Variants in SLC14A2 observed in about 807,000 individuals in gnomAD.
The protein encoded by SLC14A2 is solute carrier family 14 member 2.
SLC14A2 carries 91 observed loss-of-function variants against 104.6 expected under a neutral mutation model. The observed-to-expected ratio is 0.87, with a 90% confidence interval of 0.73 to 1.04. The LOEUF is 1.04. Among genes scored for constraint, SLC14A2 ranks in the 50% least tolerant of loss-of-function variants. The pLI, the probability that SLC14A2 is intolerant of heterozygous loss-of-function variation, is 0.00. For missense variants in SLC14A2, 1,189 were observed against 1,156.0 expected, an observed-to-expected ratio of 1.03 and a Z score of -0.41; for synonymous variants, 476 against 466.4, an observed-to-expected ratio of 1.02 and a Z score of -0.27.
At chr18:45,392,785 G>A (rs1380626877) in intron 1 of SLC14A2, among the ~76,000 whole-genome samples, 1 of 152,192 alleles carries the variant, frequency 6.6e-6, no homozygotes. Flanking sequence ...GTCTAATAAT[G>A]TGAATTAATC....
At chr18:45,536,635 A>T (rs141024890) in intron 2 of SLC14A2, among the ~76,000 whole-genome samples, 1 of 152,274 alleles carries the variant, frequency 6.6e-6, no homozygotes, top group East Asian at 1.9e-4. Flanking sequence ...CGTCCACAAC[A>T]ATCCATTGCC....
intron 1 of SLC14A2, among the ~76,000 whole-genome samples, chr18:45,417,530 G>T (rs901277396): frequency 2.6e-5 from 4 of 152,154 alleles, no homozygotes; most frequent in African/African-American, 9.7e-5. Context: ...AGAGGGAAAA[G>T]CTCCTTATAA....
intron 1 of SLC14A2, among the ~76,000 whole-genome samples, chr18:45,366,028 G>A (rs1280934419): frequency 1.3e-5 from 2 of 150,982 alleles, no homozygotes; most frequent in African/African-American, 2.4e-5. Flanking sequence ...AATAAACTTA[G>A]TTTTGTAATC....
At chr18:45,203,629 G>C in the SLC14A2 span, among the ~76,000 whole-genome samples, 1 of 152,108 alleles carries the variant, frequency 6.6e-6, no homozygotes, top group Non-Finnish European at 1.5e-5. Flanking sequence ...TTTTGAAGAT[G>C]GGATCCTACT....
chr18:45,194,063 C>T, the SLC14A2 span, among the ~76,000 whole-genome samples: 1 of 152,180 alleles, frequency 6.6e-6, no homozygotes. Flanking sequence ...TTGTATTCTG[C>T]AAGCTTGATC....
chr18:45,641,653 T>C (rs1244269355), intron 8 of SLC14A2, among the ~76,000 whole-genome samples: 1 of 152,206 alleles, frequency 6.6e-6, no homozygotes, highest in Non-Finnish European at 1.5e-5. Flanking sequence ...ATTCAACAAC[T>C]GTTTATACAA....
intron 1 of SLC14A2, among the ~76,000 whole-genome samples, chr18:45,356,470 C>G (rs1457291604): frequency 6.6e-6 from 1 of 152,130 alleles, no homozygotes; most frequent in East Asian, 1.9e-4. Context: ...CTTACAGATG[C>G]CATGGAAGAA....
intron 1 of SLC14A2, among the ~76,000 whole-genome samples, chr18:45,452,959 G>A (rs546462243): frequency 6.6e-6 from 1 of 152,302 alleles, no homozygotes; most frequent in South Asian, 2.1e-4. Flanking sequence ...CAATTGCTTA[G>A]ACAGCAGCCT....
intron 1 of SLC14A2, among the ~76,000 whole-genome samples, chr18:45,457,992 A>T (rs150334247): frequency 6.6e-6 from 1 of 152,282 alleles, no homozygotes; most frequent in East Asian, 1.9e-4. Flanking sequence ...AGACACACAC[A>T]TGTGAGCCTT....
chr18:45,500,752 A>C (rs1568244578), intron 2 of SLC14A2, among the ~76,000 whole-genome samples: 1 of 152,118 alleles, frequency 6.6e-6, no homozygotes, highest in Non-Finnish European at 1.5e-5. Context: ...CAGAATATAA[A>C]GGTCAGGGGC....
At chr18:45,437,967 G>A (rs1451195332) in intron 1 of SLC14A2, among the ~76,000 whole-genome samples, 1 of 152,078 alleles carries the variant, frequency 6.6e-6, no homozygotes, top group Non-Finnish European at 1.5e-5. Context: ...TTACCCCCTT[G>A]ACTTCCTATT....
intron 1 of SLC14A2, among the ~76,000 whole-genome samples, chr18:45,270,478 T>C (rs1437872309): frequency 1.3e-5 from 2 of 152,098 alleles, no homozygotes; most frequent in Non-Finnish European, 2.9e-5. Flanking sequence ...GCCATAAAAC[T>C]ATAAATCATT....
chr18:45,261,588 G>A (rs2084538539), intron 1 of SLC14A2, among the ~76,000 whole-genome samples: 1 of 150,944 alleles, frequency 6.6e-6, no homozygotes, highest in Non-Finnish European at 1.5e-5. Flanking sequence ...TCCCCAGAGT[G>A]TGATGTTCCC....
At chr18:45,409,635 T>C (rs184986042) in intron 1 of SLC14A2, among the ~76,000 whole-genome samples, 1 of 152,238 alleles carries the variant, frequency 6.6e-6, no homozygotes, top group East Asian at 1.9e-4. Flanking sequence ...GGAGCTTTCC[T>C]CCTACCCACC....
chr18:45,305,542 T>C (rs2085011105), intron 1 of SLC14A2, among the ~76,000 whole-genome samples: 1 of 152,192 alleles, frequency 6.6e-6, no homozygotes, highest in Non-Finnish European at 1.5e-5. Flanking sequence ...TCTCCTGTTT[T>C]CTTCTCCTCT....
intron 2 of SLC14A2, among the ~76,000 whole-genome samples, chr18:45,526,170 G>C (rs963163807): frequency 1.6e-4 from 24 of 152,156 alleles, no homozygotes; most frequent in African/African-American, 5.3e-4. Context: ...TTAGTGCAGC[G>C]TATCTTAGCT....
At chr18:45,178,820 A>G in the SLC14A2 span, among the ~76,000 whole-genome samples, 1 of 152,210 alleles carries the variant, frequency 6.6e-6, no homozygotes, top group Non-Finnish European at 1.5e-5. Flanking sequence ...TCCTTGATGC[A>G]TACCCTAGCT....
At position 45,250,751 on chromosome 18, in the gene SLC14A2, C is replaced by CTGACTTTTTTTTTTTTTTTTTT. The variant is rs1165070845; in HGVS notation, c.-125+37561_-125+37562insGACTTTTTTTTTTTTTTTTTTT. Among the ~76,000 whole-genome samples, 112 of 113,882 alleles carry CTGACTTTTTTTTTTTTTTTTTT rather than the reference C, an allele frequency of 9.8e-4. 7 individuals are homozygous for CTGACTTTTTTTTTTTTTTTTTT. Among genetic ancestry groups the CTGACTTTTTTTTTTTTTTTTTT allele is most frequent in the Non-Finnish European group, 1.2e-3 (68 of 57,596 alleles). The allele number at this position is 113,882 out of a possible 152,430, so 74.7% of individuals were successfully genotyped here. A position where few individuals can be genotyped will look rare whatever the true frequency, so the allele number is the denominator to read the frequency against. On this transcript the variant is annotated intron_variant, in intron 1 of 20. Transcript: ENST00000586448. Reference sequence around the variant, plus strand: ...AACTGAATCCTCTGGCTAGTGGCTTCTTCCTTTTTTTTTTTTTTTTTTTTT... The same window carrying CTGACTTTTTTTTTTTTTTTTTT: ...AACTGAATCCTCTGGCTAGTGGCTTCTGACTTTTTTTTTTTTTTTTTTTTCCTTTTTTTTTTTTTTTTTTTTT...
intron 2 of SLC14A2, among the ~76,000 whole-genome samples, chr18:45,538,400 G>A (rs559728222): frequency 3.3e-5 from 5 of 152,264 alleles, no homozygotes; most frequent in East Asian, 1.9e-4. Context: ...AGAGTCTTTC[G>A]TGAGGTTTCA....
Sources: gnomAD v4.1 joint callset for allele counts (sites outside exome capture counted in the v4.1 genomes callset) on GRCh38, gnomAD v4.1.1 for gene constraint, MANE v1.5 for transcripts, NCBI Gene and HGNC (gene_info 2026-07-23, HGNC 2026-07-21) for gene names.